Variants in PCDH9 observed in about 807,000 individuals in gnomAD.
PCDH9 encodes the protein protocadherin-9.
PCDH9 carries 24 observed loss-of-function variants against 70.6 expected under a neutral mutation model. That is an observed-to-expected ratio of 0.34 (90% CI 0.25 to 0.48). The LOEUF (loss-of-function observed/expected upper bound fraction) is 0.48. Ranked by LOEUF, PCDH9 falls within the 20% of genes least tolerant of loss-of-function variation. The pLI is 0.99. For missense variants in PCDH9, 1,281 were observed against 1,503.6 expected (o/e 0.85, Z 2.45); for synonymous variants, 562 against 558.5 (o/e 1.01, Z -0.09).
chr13:66,936,000 G>A (rs1400983928), intron 2 of PCDH9, among the ~76,000 whole-genome samples: 4 of 152,140 alleles, frequency 2.6e-5, no homozygotes, highest in Admixed American at 6.5e-5. Context: ...CAGGAGGATC[G>A]TTGGAATCCA....
chr13:66,763,291 C>T (rs993965096), intron 3 of PCDH9, among the ~76,000 whole-genome samples: 4 of 151,860 alleles, frequency 2.6e-5, no homozygotes, highest in Non-Finnish European at 4.4e-5. Flanking sequence ...ACGCAACATT[C>T]AAACAAGAGC....
At chr13:66,697,391 A>G (rs4883786) in intron 3 of PCDH9, among the ~76,000 whole-genome samples, 148,677 of 152,240 alleles carry the variant, frequency 0.98, 72,707 homozygotes, top group East Asian at 1. Flanking sequence ...TCTCACATAC[A>G]TAAAGATAAA....
chr13:66,317,206 T>G (rs961234716), intron 4 of PCDH9, among the ~76,000 whole-genome samples: 1 of 152,024 alleles, frequency 6.6e-6, no homozygotes, highest in African/African-American at 2.4e-5. Flanking sequence ...AGATAATTAT[T>G]AGATATATTT....
At chr13:67,026,248 A>C (rs1451406419) in intron 2 of PCDH9, among the ~76,000 whole-genome samples, 1 of 152,142 alleles carries the variant, frequency 6.6e-6, no homozygotes, top group African/African-American at 2.4e-5. Flanking sequence ...TTGGTTCCCC[A>C]GTATTTTATT....
intron 4 of PCDH9, among the ~76,000 whole-genome samples, chr13:66,457,888 A>G (rs1349453839): frequency 6.6e-6 from 1 of 152,014 alleles, no homozygotes; most frequent in African/African-American, 2.4e-5. Context: ...TGTTAATCAT[A>G]AAACAACCTA....
Position 66,533,073 on chromosome 13 carries a change from C to T in PCDH9, c.3340+98137G>A, listed in dbSNP as rs561096407. ...TATGTGCCCACACTGGGTGGAACTC[C>T]GGCAGTTCAGTGCTGTTGGGATTCA... On this transcript the variant is annotated intron_variant, in intron 4 of 4. Coordinates refer to ENST00000377865, the MANE Select transcript of PCDH9 (RefSeq NM_203487.3). Among the ~76,000 whole-genome samples the T allele has an allele frequency of 8.5e-5, 13 of 152,216 alleles. No individual in the cohort carries two copies. In the East Asian group the frequency reaches 2.3e-3, roughly 27 times the overall value.
chr13:67,200,825 C>T (rs1442213725), intron 2 of PCDH9, among the ~76,000 whole-genome samples: 1 of 152,030 alleles, frequency 6.6e-6, no homozygotes, highest in South Asian at 2.1e-4. Flanking sequence ...TAAGGTTCCA[C>T]ATGTGTGAGC....
At chr13:66,857,401 T>C (rs950866659) in intron 3 of PCDH9, among the ~76,000 whole-genome samples, 4 of 152,098 alleles carry the variant, frequency 2.6e-5, no homozygotes, top group Admixed American at 2.0e-4. Context: ...TTTCATCTTA[T>C]TGATTAGCAA....
In PCDH9 at chr13:66,602,524, T is replaced by C. The variant is rs977646701; in HGVS notation, c.3340+28686A>G. The stretch of plus-strand genomic sequence containing the variant: ...AAAAAACAACAACAGAAAAGTATGA[T>C]AGAATAAGGATCTAAAGAAATAAGT... On this transcript the variant is annotated intron_variant, in intron 4 of 4. Transcript: ENST00000377865. 2.0e-4 allele frequency among the ~76,000 whole-genome samples: 29 copies of C among 145,756 alleles called. 5 individuals carry two copies. Among genetic ancestry groups the C allele is most frequent in the Non-Finnish European group, 3.1e-5 (2 of 64,890 alleles).
intron 2 of PCDH9, among the ~76,000 whole-genome samples, chr13:67,024,596 T>A (rs1418037993): frequency 6.6e-6 from 1 of 152,110 alleles, no homozygotes; most frequent in Non-Finnish European, 1.5e-5. Context: ...TTAGGCTATT[T>A]CCATCCCTTC....
chr13:66,545,283 A>C (rs1038349762), intron 4 of PCDH9, among the ~76,000 whole-genome samples: 1 of 152,160 alleles, frequency 6.6e-6, no homozygotes, highest in African/African-American at 2.4e-5. Context: ...TGGTATACTA[A>C]GTGAGCCAGA....
At chr13:67,048,797 G>A (rs260161) in intron 2 of PCDH9, among the ~76,000 whole-genome samples, 3,548 of 152,238 alleles carry the variant, frequency 0.023, 130 homozygotes, top group African/African-American at 0.08. Flanking sequence ...TGACTCACAC[G>A]GTTTTGCACA....
At chr13:67,190,441 CTTAAA>C (rs1309864493) in intron 2 of PCDH9, among the ~76,000 whole-genome samples, 7 of 144,892 alleles carry the variant, frequency 4.8e-5, no homozygotes, top group African/African-American at 1.5e-4. Flanking sequence ...ACTTTGATAT[CTTAAA>C]TTAAGAGGAA....
chr13:66,353,622 A>G (rs1238966378), intron 4 of PCDH9, among the ~76,000 whole-genome samples: 1 of 152,100 alleles, frequency 6.6e-6, no homozygotes, highest in African/African-American at 2.4e-5. Context: ...CTCTTTACCT[A>G]TATAGCTGAT....
intron 3 of PCDH9, among the ~76,000 whole-genome samples, chr13:66,813,466 G>A (rs895748175): frequency 5.3e-5 from 8 of 151,518 alleles, no homozygotes; most frequent in South Asian, 2.1e-4. Flanking sequence ...TGGGAGGGAG[G>A]AAGGGAAGAA....
At chr13:66,836,887 A>T (rs1469246503) in intron 3 of PCDH9, among the ~76,000 whole-genome samples, 1 of 152,136 alleles carries the variant, frequency 6.6e-6, no homozygotes, top group African/African-American at 2.4e-5. Context: ...CTTTCCTATA[A>T]AATAGTCTAC....
rs146726589 is a variant in PCDH9 at position 66,416,131 on chromosome 13, G to A, written c.3341-111103C>T. 3.9e-5 allele frequency among the ~76,000 whole-genome samples: 6 copies of A among 152,200 alleles called. No individual in the cohort carries two copies. The East Asian group carries it at 1.2e-3, about 29-fold the overall frequency. ...TTGCCATTTTGCGGGGATGGGTAGAGGAGAAGGGAATATGTTTTGTTTGTT... is the reference window on the plus strand; with the variant it reads ...TTGCCATTTTGCGGGGATGGGTAGAAGAGAAGGGAATATGTTTTGTTTGTT... On this transcript the variant is annotated intron_variant, in intron 4 of 4. Transcript: ENST00000377865.
intron 3 of PCDH9, among the ~76,000 whole-genome samples, chr13:66,765,559 T>G (rs189287562): frequency 6.6e-6 from 1 of 152,174 alleles, no homozygotes; most frequent in East Asian, 1.9e-4. Context: ...GCATGTGATG[T>G]TCTTCATGGT....
chr13:66,548,420 A>C (rs9529088), intron 4 of PCDH9, among the ~76,000 whole-genome samples: 39,090 of 151,388 alleles, frequency 0.26, 5,225 homozygotes, highest in South Asian at 0.34. Flanking sequence ...CAAAAATTAG[A>C]CAGGCATGGT....
Sources: allele counts gnomAD v4.1 joint callset (sites outside exome capture counted in the v4.1 genomes callset), GRCh38; gene constraint gnomAD v4.1.1; transcripts MANE v1.5; gene names NCBI Gene and HGNC (gene_info 2026-07-23, HGNC 2026-07-21).